Variants in FRAS1 observed in about 807,000 individuals in gnomAD.
FRAS1 encodes the protein extracellular matrix organizing protein FRAS1.
In FRAS1, 290 loss-of-function variants were observed where a neutral mutation model predicts 435.2. The ratio of observed to expected loss-of-function variants is 0.67; its 90% CI spans 0.61 to 0.73. The LOEUF is 0.73. Ranked by LOEUF, FRAS1 falls within the 30% of genes least tolerant of loss-of-function variation. The pLI, the probability that FRAS1 is intolerant of heterozygous loss-of-function variation, is 0.00. For synonymous variants in FRAS1, 1,800 were observed against 1,851.0 expected (o/e 0.97, Z 0.71); for missense variants, 4,860 against 5,001.5 (o/e 0.97, Z 0.85).
At chr4:78,166,974 C>T (rs1222455205) in intron 2 of FRAS1, among the ~76,000 whole-genome samples, 2 of 152,142 alleles carry the variant, frequency 1.3e-5, no homozygotes, top group African/African-American at 4.8e-5. Flanking sequence ...CTGCCTGGAG[C>T]ACAACTCCTC....
chr4:78,267,203 C>T, intron 8 of FRAS1, 38 bp from the exon 9 acceptor site: 2 of 1,596,166 alleles, frequency 1.3e-6, no homozygotes, highest in Non-Finnish European at 1.7e-6. Flanking sequence ...TTCACCGTCT[C>T]CTGAGGACTG....
chr4:78,337,636 G>A (rs1730222297), intron 19 of FRAS1, 38 bp from the exon 20 acceptor site: 1 of 1,600,162 alleles, frequency 6.2e-7, no homozygotes, highest in African/African-American at 1.3e-5. Context: ...TACATGCTGA[G>A]CTGCTAATTC....
chr4:78,196,161 C>T (rs1204162144), intron 2 of FRAS1, among the ~76,000 whole-genome samples: 1 of 152,024 alleles, frequency 6.6e-6, no homozygotes, highest in African/African-American at 2.4e-5. Context: ...GCACCCGCCA[C>T]CACACCCGGC....
chr4:78,362,581 G>A (rs955539520), intron 20 of FRAS1, among the ~76,000 whole-genome samples: 1 of 152,196 alleles, frequency 6.6e-6, no homozygotes, highest in Non-Finnish European at 1.5e-5. Flanking sequence ...CTTGTTGCTG[G>A]GGTGGTTTCC....
chr4:78,295,931 T>G (rs187580238), intron 14 of FRAS1, among the ~76,000 whole-genome samples: 5 of 151,996 alleles, frequency 3.3e-5, no homozygotes, highest in Admixed American at 2.0e-4. Flanking sequence ...TTTTGTATTT[T>G]TAGTAGAGAC....
intron 2 of FRAS1, among the ~76,000 whole-genome samples, chr4:78,154,436 T>C (rs1720796754): frequency 2.0e-5 from 3 of 152,186 alleles, no homozygotes; most frequent in African/African-American, 7.2e-5. Context: ...CCATGGAATT[T>C]TGTTCTTAAA....
chr4:78,404,077 G>T (rs1350812081), intron 30 of FRAS1, among the ~76,000 whole-genome samples: 3 of 152,152 alleles, frequency 2.0e-5, no homozygotes, highest in Admixed American at 1.3e-4. Context: ...AAGTAGATAT[G>T]ATGAGATGGT....
chr4:78,065,203 A>C (rs1016273176), intron 1 of FRAS1, among the ~76,000 whole-genome samples: 43 of 146,516 alleles, frequency 2.9e-4, no homozygotes, highest in African/African-American at 1.0e-3. Context: ...TGTATATACT[A>C]TATATGTACT....
At chr4:78,488,052 G>C (rs1720225106) in intron 58 of FRAS1, among the ~76,000 whole-genome samples, 1 of 152,130 alleles carries the variant, frequency 6.6e-6, no homozygotes, top group African/African-American at 2.4e-5. Flanking sequence ...AAAATTGCTT[G>C]AACCCGGGAG....
chr4:78,093,752 T>C (rs545834393), intron 2 of FRAS1, among the ~76,000 whole-genome samples: 2 of 152,316 alleles, frequency 1.3e-5, no homozygotes, highest in Admixed American at 6.5e-5. Flanking sequence ...AACATAGTTA[T>C]GAAGACAAAA....
chr4:78,304,667 T>C (rs1728609247), intron 14 of FRAS1, among the ~76,000 whole-genome samples: 1 of 152,134 alleles, frequency 6.6e-6, no homozygotes, highest in Non-Finnish European at 1.5e-5. Flanking sequence ...GTGTTTGTAG[T>C]ATTCTCTGAT....
chr4:78,535,349 G>C lies in FRAS1; in HGVS notation c.11092+734G>C, dbSNP rs1321305443. Among the ~76,000 whole-genome samples, 4 of 152,132 alleles carry C rather than the reference G, an allele frequency of 2.6e-5. No individual in the cohort carries two copies. In the East Asian group the frequency reaches 7.7e-4, roughly 29 times the overall value. ...CTACTGTTCTGCGGCCATTCCATAGGATTTGACCTCATCCTGGATCTCTCC... is the reference window on the plus strand; with the variant it reads ...CTACTGTTCTGCGGCCATTCCATAGCATTTGACCTCATCCTGGATCTCTCC... On this transcript the variant is annotated intron_variant, in intron 71 of 73. Transcript: ENST00000512123.
chr4:78,463,220 C>G (rs1719422758), intron 47 of FRAS1, among the ~76,000 whole-genome samples: 1 of 152,100 alleles, frequency 6.6e-6, no homozygotes, highest in Non-Finnish European at 1.5e-5. Context: ...GCATTTAAAG[C>G]AGAGATATTG....
At chr4:78,384,470 A>G (rs187791551) in intron 28 of FRAS1, among the ~76,000 whole-genome samples, 1 of 152,318 alleles carries the variant, frequency 6.6e-6, no homozygotes, top group East Asian at 1.9e-4. Flanking sequence ...GCGACATAAC[A>G]TGTCTGTGGT....
chr4:78,081,276 A>G (rs1740881997), intron 2 of FRAS1, among the ~76,000 whole-genome samples: 1 of 152,174 alleles, frequency 6.6e-6, no homozygotes, highest in African/African-American at 2.4e-5. Context: ...AAAATGCTCC[A>G]TATCTGTGTT....
At chr4:78,528,232 G>T (rs1294982626) in intron 70 of FRAS1, among the ~76,000 whole-genome samples, 1 of 152,168 alleles carries the variant, frequency 6.6e-6, no homozygotes. Flanking sequence ...AGATCAGGCG[G>T]TGTGGAACTG....
intron 2 of FRAS1, 40 bp from the exon 3 acceptor site, chr4:78,237,470 A>G: frequency 7.1e-7 from 1 of 1,402,810 alleles, no homozygotes; most frequent in South Asian, 1.2e-5. Flanking sequence ...TCATACCTTG[A>G]CTGATCAGTT....
chr4:78,122,191 T>C (rs1719070541), intron 2 of FRAS1, among the ~76,000 whole-genome samples: 1 of 152,152 alleles, frequency 6.6e-6, no homozygotes, highest in Non-Finnish European at 1.5e-5. Context: ...GTGTTCTTAT[T>C]GTTCAATTCC....
chr4:78,193,754 G>T, intron 2 of FRAS1, among the ~76,000 whole-genome samples: 1 of 152,118 alleles, frequency 6.6e-6, no homozygotes, highest in South Asian at 2.1e-4. Flanking sequence ...TTTAATTGGA[G>T]CATTTAGCCC....
Sources: allele counts gnomAD v4.1 joint callset (sites outside exome capture counted in the v4.1 genomes callset), GRCh38; gene constraint gnomAD v4.1.1; transcripts MANE v1.5; gene names NCBI Gene and HGNC (gene_info 2026-07-23, HGNC 2026-07-21).